The following IRAG2 variants were observed in gnomAD, a reference collection of about 807,000 sequenced individuals.
The protein encoded by IRAG2 is lymphoid restricted membrane protein.
Under a neutral mutation model 69.9 loss-of-function variants are expected in IRAG2, and 45 were observed. The ratio of observed to expected loss-of-function variants is 0.64; its 90% CI spans 0.51 to 0.83. The LOEUF (loss-of-function observed/expected upper bound fraction) is 0.83. Ranked by LOEUF, IRAG2 falls within the 40% of genes least tolerant of loss-of-function variation. The pLI, the probability that IRAG2 is intolerant of heterozygous loss-of-function variation, is 0.00. For synonymous variants in IRAG2, 193 were observed against 202.4 expected, an observed-to-expected ratio of 0.95 and a Z score of 0.40; for missense variants, 520 against 587.0, an observed-to-expected ratio of 0.89 and a Z score of 1.18.
At chr12:25,094,708 G>C (rs941892579) in intron 14 of IRAG2, among the ~76,000 whole-genome samples, 2 of 134,668 alleles carry the variant, frequency 1.5e-5, no homozygotes, top group African/African-American at 5.4e-5. Context: ...ATGAACACAG[G>C]GTGTCTTTCC....
At chr12:25,063,442 C>T (rs1038844664) in intron 3 of IRAG2, among the ~76,000 whole-genome samples, 5 of 152,204 alleles carry the variant, frequency 3.3e-5, no homozygotes, top group African/African-American at 1.2e-4. Flanking sequence ...CCTTTGTTTA[C>T]ATCAAAGTGT....
At chr12:25,079,105 C>G (rs1460478019) in intron 6 of IRAG2, 139 bp from the exon 7 acceptor site, 20 of 764,408 alleles carry the variant, frequency 2.6e-5, no homozygotes, top group Non-Finnish European at 4.5e-5. Context: ...CTATACCATC[C>G]CATTCCCATA....
At chr12:25,094,650 T>G (rs1191913463) in intron 14 of IRAG2, among the ~76,000 whole-genome samples, 1 of 152,182 alleles carries the variant, frequency 6.6e-6, no homozygotes, top group Non-Finnish European at 1.5e-5. Flanking sequence ...AATCTGTGTA[T>G]CACTTTGGGT....
intron 1 of IRAG2, among the ~76,000 whole-genome samples, chr12:25,057,534 C>T (rs1945344017): frequency 6.6e-6 from 1 of 152,130 alleles, no homozygotes; most frequent in Non-Finnish European, 1.5e-5. Context: ...TTTGGGATTA[C>T]AGGCATGAGC....
chr12:25,020,995 A>T, intron 7 of IRAG2: 1 of 584,460 alleles, frequency 1.7e-6, no homozygotes, highest in Non-Finnish European at 2.5e-6. Context: ...GAACATCAGA[A>T]GTCAATATCC....
Position 25,083,481 on chromosome 12 carries a change from C to A in IRAG2, c.303C>A (p.Thr101=), listed in dbSNP as rs1158663386. The A allele has an allele frequency of 6.2e-7, 1 of 1,601,020 alleles. No individual in the cohort carries two copies. The highest frequency in any genetic ancestry group is 2.2e-5 in the East Asian group (1 of 44,764). ...AAGACTCTACGAGTAAGGATAAAAC[C>A]ATATTAAATCTGGTAAGGAAATACG... ...AFQDSTSKDK[T]ILNLEAKEEP... is the part of the protein sequence containing the mutation. Residue 101 remains threonine (T), a synonymous_variant, in exon 10 of 22, where the codon ACC becomes ACA. Transcript: ENST00000556887.
chr12:25,098,549 G>A (rs560940081), intron 15 of IRAG2, among the ~76,000 whole-genome samples: 3 of 152,220 alleles, frequency 2.0e-5, no homozygotes, highest in South Asian at 2.1e-4. Context: ...GAGCCTTCCC[G>A]ACTAATTTAC....
intron 9 of IRAG2, among the ~76,000 whole-genome samples, chr12:25,082,056 G>C (rs528611529): frequency 2.6e-5 from 4 of 151,988 alleles, no homozygotes; most frequent in African/African-American, 9.7e-5. Flanking sequence ...CACCACATTT[G>C]ACTAATTAAA....
chr12:25,054,206 G>A (rs1945073756), intron 1 of IRAG2, among the ~76,000 whole-genome samples: 1 of 152,190 alleles, frequency 6.6e-6, no homozygotes, highest in African/African-American at 2.4e-5. Context: ...TAGTAAGGCA[G>A]TCTTTAAATT....
intron 1 of IRAG2, among the ~76,000 whole-genome samples, 173 bp from the exon 2 acceptor site, chr12:25,061,419 G>T (rs780701408): frequency 3.3e-5 from 5 of 152,284 alleles, no homozygotes; most frequent in Non-Finnish European, 5.9e-5. Context: ...CAGCTACTTG[G>T]GAGGTTGAAA....
chr12:24,997,684 G>A, the IRAG2 span: 1 of 153,678 alleles, frequency 6.5e-6, no homozygotes, highest in Non-Finnish European at 1.5e-5. Context: ...CGAAGGCCGA[G>A]AAAGTACCGC....
chr12:25,055,464 T>C (rs1468614662), intron 1 of IRAG2, among the ~76,000 whole-genome samples: 2 of 152,128 alleles, frequency 1.3e-5, no homozygotes, highest in Admixed American at 6.5e-5. Context: ...AAAAAGGAAA[T>C]TTTTTTTATT....
intron 1 of IRAG2, among the ~76,000 whole-genome samples, chr12:25,059,016 T>C (rs1174980743): frequency 1.3e-5 from 2 of 152,256 alleles, no homozygotes; most frequent in Non-Finnish European, 2.9e-5. Flanking sequence ...TGCTTCAAGA[T>C]AGACTGTTTC....
intron 9 of IRAG2, among the ~76,000 whole-genome samples, chr12:25,027,934 T>TC (rs1337059483): frequency 3.3e-5 from 5 of 152,096 alleles, no homozygotes; most frequent in Non-Finnish European, 7.4e-5. Context: ...GTTTATTTAT[T>TC]TATTTATTGA....
chr12:25,007,363 T>C (rs1056559216), intron 2 of IRAG2, among the ~76,000 whole-genome samples: 6 of 152,262 alleles, frequency 3.9e-5, no homozygotes, highest in African/African-American at 7.2e-5. Context: ...AGTCAAAATT[T>C]CTCATTTGTG....
At chr12:25,011,525 C>T (rs1944474911) in exon 3 of IRAG2, 27 of 1,231,700 alleles carry the variant, frequency 2.2e-5, no homozygotes, top group Non-Finnish European at 2.5e-5. Context: ...TGATGAAAGA[C>T]TGGATGGCTT....
chr12:25,105,664 T>C (rs1392442889), intron 20 of IRAG2, among the ~76,000 whole-genome samples: 1 of 152,124 alleles, frequency 6.6e-6, no homozygotes, highest in Non-Finnish European at 1.5e-5. Context: ...TTCAAGAGTC[T>C]CCTTCAAAAG....
chr12:25,028,284 T>G (rs1944640583), intron 9 of IRAG2, among the ~76,000 whole-genome samples: 1 of 152,326 alleles, frequency 6.6e-6, no homozygotes, highest in South Asian at 2.1e-4. Flanking sequence ...GGCTGCACCA[T>G]TTTACATTCC....
intron 6 of IRAG2, among the ~76,000 whole-genome samples, chr12:25,075,408 G>A (rs888698752): frequency 1.3e-5 from 2 of 152,084 alleles, no homozygotes; most frequent in African/African-American, 4.8e-5. Flanking sequence ...TCATATAAAA[G>A]AGCAAAAATA....
Sources: allele counts gnomAD v4.1 joint callset (sites outside exome capture counted in the v4.1 genomes callset), GRCh38; gene constraint gnomAD v4.1.1; transcripts MANE v1.5; gene names NCBI Gene and HGNC (gene_info 2026-07-23, HGNC 2026-07-21).